SMYD3: variants seen among roughly 807,000 people sequenced by gnomAD.
SMYD3 encodes the protein histone-lysine N-methyltransferase SMYD3.
In SMYD3, 36 loss-of-function variants were observed where a neutral mutation model predicts 57.7. The ratio of observed to expected loss-of-function variants is 0.62; its 90% CI spans 0.48 to 0.82. The LOEUF is 0.82. SMYD3 is among the 40% of genes least tolerant of loss of function. SMYD3 has a pLI of 0.00. For synonymous variants in SMYD3, 211 were observed against 195.0 expected, an observed-to-expected ratio of 1.08 and a Z score of -0.68; for missense variants, 515 against 538.8, an observed-to-expected ratio of 0.96 and a Z score of 0.44.
chr1:246,013,637 T>A (rs1434812493), intron 5 of SMYD3, among the ~76,000 whole-genome samples: 1 of 152,158 alleles, frequency 6.6e-6, no homozygotes, highest in East Asian at 1.9e-4. Context: ...AGGGATGAGA[T>A]CAAACTGACT....
chr1:246,219,103 A>C (rs552412049), intron 5 of SMYD3, among the ~76,000 whole-genome samples: 1 of 152,264 alleles, frequency 6.6e-6, no homozygotes, highest in East Asian at 1.9e-4. Flanking sequence ...GGGGCAGAGA[A>C]ATTCTAGGCA....
rs571191725 is a variant in SMYD3 at position 245,867,649 on chromosome 1, C to T, written c.814-3763G>A. On this transcript the variant is annotated intron_variant, in intron 8 of 11. Coordinates refer to ENST00000490107, the MANE Select transcript of SMYD3 (RefSeq NM_001167740.2). Reference sequence around the variant, plus strand: ...CGGCAAGAGAAGATATGTGCATGCGCGTGCGTGTGCGTGCGCGCGCACACA... The same window carrying T: ...CGGCAAGAGAAGATATGTGCATGCGTGTGCGTGTGCGTGCGCGCGCACACA... Among the ~76,000 whole-genome samples the T allele has an allele frequency of 2.6e-3, 350 of 133,620 alleles. 2 individuals carry two copies. The highest frequency in any genetic ancestry group is 7.9e-3 in the African/African-American group (286 of 36,322). 87.7% of individuals were successfully genotyped at this position (133,620 alleles called of 152,430 possible).
chr1:245,840,954 A>C (rs2148418333), intron 10 of SMYD3, among the ~76,000 whole-genome samples: 1 of 152,342 alleles, frequency 6.6e-6, no homozygotes, highest in African/African-American at 2.4e-5. Context: ...GTAGCTGCGC[A>C]CTTCCAAACT....
At chr1:245,793,227 T>G (rs1048565511) in intron 10 of SMYD3, among the ~76,000 whole-genome samples, 2 of 151,588 alleles carry the variant, frequency 1.3e-5, no homozygotes, top group African/African-American at 2.4e-5. Flanking sequence ...GAGAATCGCT[T>G]GAACCCAGGA....
chr1:246,222,177 G>C (rs145176155), intron 5 of SMYD3, among the ~76,000 whole-genome samples: 1,721 of 152,226 alleles, frequency 0.011, 23 homozygotes, highest in Middle Eastern at 0.031. Context: ...CCTGTATAAA[G>C]TGCCAGTGAA....
chr1:246,503,517 GAGA>G (rs1414257393), intron 1 of SMYD3, among the ~76,000 whole-genome samples: 2 of 152,336 alleles, frequency 1.3e-5, no homozygotes, highest in Admixed American at 1.3e-4. Flanking sequence ...ACTAGGGAGT[GAGA>G]AGGTTTACAA....
At chr1:246,165,212 C>T (rs1396806113) in intron 5 of SMYD3, among the ~76,000 whole-genome samples, 1 of 152,110 alleles carries the variant, frequency 6.6e-6, no homozygotes, top group African/African-American at 2.4e-5. Flanking sequence ...GACCTGAACG[C>T]CAGACTACAG....
At chr1:246,324,861 G>A (rs1188132430) in intron 5 of SMYD3, among the ~76,000 whole-genome samples, 1 of 151,010 alleles carries the variant, frequency 6.6e-6, no homozygotes, top group East Asian at 2.0e-4. Flanking sequence ...GTTCCCGTGT[G>A]CTTGATGTGA....
chr1:246,365,624 T>TAA (rs1270007842), intron 1 of SMYD3, among the ~76,000 whole-genome samples: 1 of 149,552 alleles, frequency 6.7e-6, no homozygotes, highest in Non-Finnish European at 1.5e-5. Flanking sequence ...ACTCTCCCCA[T>TAA]AAAAAAAAAG....
chr1:245,833,073 A>AAAAAACAAAAAAAAAAAAACACAAC, intron 10 of SMYD3, among the ~76,000 whole-genome samples: 2 of 128,652 alleles, frequency 1.6e-5, no homozygotes, highest in Non-Finnish European at 3.2e-5. Flanking sequence ...AAAAAAAAAA[A>AAAAAACAAAAAAAAAAAAACACAAC]AACCTGCTTT....
At chr1:245,901,969 A>G (rs2054214282) in intron 8 of SMYD3, among the ~76,000 whole-genome samples, 1 of 152,080 alleles carries the variant, frequency 6.6e-6, no homozygotes, top group East Asian at 1.9e-4. Context: ...ATTGTTCCCA[A>G]GGGCATTCAT....
chr1:246,264,369 G>T (rs561499630), intron 5 of SMYD3, among the ~76,000 whole-genome samples: 1 of 152,268 alleles, frequency 6.6e-6, no homozygotes, highest in South Asian at 2.1e-4. Context: ...AAAACAATTA[G>T]CTGGGTGCAA....
chr1:245,855,256 T>C (rs565290214), intron 10 of SMYD3, among the ~76,000 whole-genome samples: 33 of 152,186 alleles, frequency 2.2e-4, no homozygotes, highest in African/African-American at 6.5e-4. Flanking sequence ...ATTTAATTAA[T>C]ATTCGACGCA....
Position 245,982,000 on chromosome 1 carries a change from G to A in SMYD3, c.532-52063C>T, listed in dbSNP as rs184296720. On this transcript the variant is annotated intron_variant, in intron 5 of 11. Transcript: ENST00000490107. ...CGGTCATGGGGACCTTGAGCACGTG[G>A]GGTCTTCTTTTAGGAGGGTTTGTGG... is the stretch of plus-strand genomic sequence containing the variant. 3.0e-3 allele frequency among the ~76,000 whole-genome samples: 463 copies of A among 152,320 alleles called. 2 individuals carry two copies. Among genetic ancestry groups the A allele is most frequent in the African/African-American group, 0.01 (419 of 41,576 alleles).
At chr1:246,143,295 T>A (rs1201398330) in intron 5 of SMYD3, among the ~76,000 whole-genome samples, 1 of 152,214 alleles carries the variant, frequency 6.6e-6, no homozygotes, top group African/African-American at 2.4e-5. Flanking sequence ...CAGGTGCCTT[T>A]CTTTGTAAGT....
chr1:246,209,092 T>C (rs1377040805), intron 5 of SMYD3, among the ~76,000 whole-genome samples: 5 of 152,190 alleles, frequency 3.3e-5, no homozygotes, highest in Admixed American at 1.3e-4. Context: ...AGTCCCACTA[T>C]TGATTACTGC....
chr1:245,863,965 T>C (rs898905715), intron 8 of SMYD3, 79 bp from the exon 9 acceptor site: 115 of 1,322,264 alleles, frequency 8.7e-5, no homozygotes, highest in East Asian at 3.7e-4. Context: ...CTCCCAGATA[T>C]ACAAATGGCC....
intron 5 of SMYD3, among the ~76,000 whole-genome samples, chr1:246,159,826 C>CT (rs543426665): frequency 2.7e-5 from 4 of 149,410 alleles, no homozygotes; most frequent in Non-Finnish European, 3.0e-5. Flanking sequence ...GGGGGGAGTA[C>CT]TTTTTTTTTT....
chr1:245,918,735 C>T (rs1271124510), intron 7 of SMYD3, among the ~76,000 whole-genome samples: 1 of 152,174 alleles, frequency 6.6e-6, no homozygotes, highest in Admixed American at 6.5e-5. Flanking sequence ...AGTTTCCTTA[C>T]AGGAGGTGAG....
Sources: allele counts gnomAD v4.1 joint callset (sites outside exome capture counted in the v4.1 genomes callset), GRCh38; gene constraint gnomAD v4.1.1; transcripts MANE v1.5; gene names NCBI Gene and HGNC (gene_info 2026-07-23, HGNC 2026-07-21).